Variants in ACTR3B observed in about 807,000 individuals in gnomAD.
ACTR3B encodes the protein actin related protein 3B, also known as actin-related protein 3B.
A neutral mutation model predicts 59.0 loss-of-function variants in ACTR3B; 8 were observed. That is an observed-to-expected ratio of 0.14 (90% confidence interval 0.08 to 0.24). The LOEUF (loss-of-function observed/expected upper bound fraction) is 0.24, where lower values mean the gene tolerates loss of function less well. ACTR3B is among the 10% of genes least tolerant of loss of function. The pLI is 1.00. For missense variants in ACTR3B, 245 were observed against 552.3 expected (o/e 0.44, Z 5.58); for synonymous variants, 148 against 197.9 (o/e 0.75, Z 2.12).
chr7:152,778,924 CAG>C (rs1310740507), intron 1 of ACTR3B, among the ~76,000 whole-genome samples: 1 of 111,260 alleles, frequency 9.0e-6, no homozygotes, highest in Non-Finnish European at 1.7e-5. Context: ...GCCTGGGTGA[CAG>C]AGTGAGACTG....
intron 2 of ACTR3B, among the ~76,000 whole-genome samples, chr7:152,796,873 T>C (rs1379732852): frequency 9.4e-6 from 1 of 106,090 alleles, no homozygotes; most frequent in East Asian, 2.6e-4. Context: ...TTTTTTTTTT[T>C]TTTTTTTTTT....
chr7:152,826,928 C>T (rs184223086), intron 9 of ACTR3B, among the ~76,000 whole-genome samples: 4,455 of 151,804 alleles, frequency 0.029, 97 homozygotes, highest in Middle Eastern at 0.099. Context: ...CTTTTAAGCC[C>T]GTTTCCCGCA....
At chr7:152,800,965 AT>A (rs1246933370) in intron 3 of ACTR3B, among the ~76,000 whole-genome samples, 3 of 152,286 alleles carry the variant, frequency 2.0e-5, no homozygotes, top group Admixed American at 6.5e-5. Context: ...AAAATTGCAG[AT>A]TGGTTAATTA....
intron 9 of ACTR3B, among the ~76,000 whole-genome samples, chr7:152,836,754 G>T (rs1269975278): frequency 6.6e-6 from 1 of 152,210 alleles, no homozygotes; most frequent in Non-Finnish European, 1.5e-5. Flanking sequence ...TGCTGTGTGG[G>T]ATAATCTGCT....
At position 152,800,488 on chromosome 7, in the gene ACTR3B, T is replaced by A. The variant is rs530059691; in HGVS notation, c.101-43T>A. ...TATCCCTTTTGATCATTTAAATAGA[T>A]ATGGATAGTGATAGAAATCTGTGTG... On this transcript the variant is annotated intron_variant, in intron 2 of 11. Coordinates refer to ENST00000256001, the MANE Select transcript of ACTR3B (RefSeq NM_020445.6). 8.1e-6 allele frequency: 13 copies of A among 1,604,644 alleles called. No homozygotes were observed. In the South Asian group the frequency reaches 1.5e-4, roughly 18 times the overall value.
At chr7:152,789,997 CTTTTTTTTTT>C (rs756068314) in intron 2 of ACTR3B, among the ~76,000 whole-genome samples, 17 of 102,844 alleles carry the variant, frequency 1.7e-4, no homozygotes, top group East Asian at 1.4e-3. Context: ...TGTACTCTTT[CTTTTTTTTTT>C]TTTTTTTTTT....
intron 10 of ACTR3B, among the ~76,000 whole-genome samples, chr7:152,852,497 C>T (rs1323722378): frequency 6.6e-6 from 1 of 152,184 alleles, no homozygotes; most frequent in Non-Finnish European, 1.5e-5. Flanking sequence ...CCTGGCCATG[C>T]CTGCCAGCAG....
At chr7:152,836,648 A>G (rs1797482324) in intron 9 of ACTR3B, among the ~76,000 whole-genome samples, 1 of 151,724 alleles carries the variant, frequency 6.6e-6, no homozygotes, top group Non-Finnish European at 1.5e-5. Flanking sequence ...GATGTATGCT[A>G]TTTCTGTCAT....
At chr7:152,838,646 C>T (rs1359677249) in intron 9 of ACTR3B, among the ~76,000 whole-genome samples, 19 of 152,016 alleles carry the variant, frequency 1.2e-4, no homozygotes, top group Non-Finnish European at 2.1e-4. Context: ...CAAACCTGCA[C>T]GTTCTGCACA....
chr7:152,839,282 T>C (rs1419850057), intron 9 of ACTR3B, among the ~76,000 whole-genome samples: 1 of 142,448 alleles, frequency 7.0e-6, no homozygotes, highest in African/African-American at 2.9e-5. Flanking sequence ...GGCGCCCATG[T>C]GTGTTGAGTG....
intron 1 of ACTR3B, among the ~76,000 whole-genome samples, chr7:152,777,886 G>A (rs2098140268): frequency 6.6e-6 from 1 of 151,660 alleles, no homozygotes; most frequent in African/African-American, 2.4e-5. Context: ...GGAGGTGGAG[G>A]TTGCAGTGAG....
intron 1 of ACTR3B, among the ~76,000 whole-genome samples, chr7:152,778,475 T>A (rs892782856): frequency 8.6e-5 from 13 of 151,960 alleles, no homozygotes; most frequent in Non-Finnish European, 1.3e-4. Context: ...TGAGCTCAGG[T>A]GATCCAACAC....
chr7:152,847,939 G>A (rs112385775), intron 9 of ACTR3B, among the ~76,000 whole-genome samples: 1,673 of 152,322 alleles, frequency 0.011, 17 homozygotes, highest in Middle Eastern at 0.024. Context: ...CGCGGTGCAA[G>A]TTCAGAGGGT....
chr7:152,829,700 G>A (rs1177609568), intron 9 of ACTR3B, among the ~76,000 whole-genome samples: 4 of 152,156 alleles, frequency 2.6e-5, no homozygotes, highest in African/African-American at 9.7e-5. Flanking sequence ...TGGGCTGGGT[G>A]GAGCCTGGAC....
intron 4 of ACTR3B, among the ~76,000 whole-genome samples, chr7:152,801,947 G>A (rs1394519853): frequency 6.6e-6 from 1 of 151,538 alleles, no homozygotes; most frequent in Admixed American, 6.6e-5. Context: ...GCAGCTCTAG[G>A]GCTGTTGTTT....
intron 2 of ACTR3B, among the ~76,000 whole-genome samples, chr7:152,784,408 G>A (rs915078320): frequency 1.1e-4 from 17 of 152,074 alleles, no homozygotes; most frequent in African/African-American, 7.2e-5. Context: ...ACTAGAAAGC[G>A]GACTCCAGAT....
intron 9 of ACTR3B, among the ~76,000 whole-genome samples, chr7:152,848,965 GGCA>G (rs1284802238): frequency 3.3e-5 from 5 of 152,156 alleles, no homozygotes; most frequent in Non-Finnish European, 5.9e-5. Flanking sequence ...CTGATCCTGG[GGCA>G]GGATGTTGGC....
chr7:152,819,320 C>T (rs138037921), intron 6 of ACTR3B, among the ~76,000 whole-genome samples: 5,420 of 152,284 alleles, frequency 0.036, 120 homozygotes, highest in East Asian at 0.083. Flanking sequence ...ATGAAGTCAG[C>T]GTTTCACTTC....
chr7:152,828,447 C>G (rs553504797), intron 9 of ACTR3B, among the ~76,000 whole-genome samples: 1 of 152,282 alleles, frequency 6.6e-6, no homozygotes, highest in South Asian at 2.1e-4. Context: ...CGCTCCTGCT[C>G]GGTGCACTCC....
Sources: allele counts gnomAD v4.1 joint callset (sites outside exome capture counted in the v4.1 genomes callset), GRCh38; gene constraint gnomAD v4.1.1; transcripts MANE v1.5; gene names NCBI Gene and HGNC (gene_info 2026-07-23, HGNC 2026-07-21).